PCDHGB1: variants seen among roughly 807,000 people sequenced by gnomAD.
PCDHGB1 encodes the protein protocadherin gamma subfamily B, 1, also known as protocadherin gamma-B1.
In PCDHGB1, 34 loss-of-function variants were observed where a neutral mutation model predicts 56.6. The ratio of observed to expected loss-of-function variants is 0.60; its 90% CI spans 0.46 to 0.80. The LOEUF is 0.80. Among genes scored for constraint, PCDHGB1 ranks in the 30% least tolerant of loss-of-function variants. The probability of loss-of-function intolerance (pLI) is 0.00; values close to 1 mark genes in which losing one functional copy is unlikely to be tolerated. For missense variants in PCDHGB1, 1,278 were observed against 1,204.6 expected (o/e 1.06, Z -0.90); for synonymous variants, 561 against 505.9 (o/e 1.11, Z -1.46).
intron 1 of PCDHGB1, chr5:141,383,529 G>C (rs367939205): frequency 2.4e-5 from 39 of 1,612,356 alleles, no homozygotes; most frequent in Non-Finnish European, 3.1e-5. Flanking sequence ...TTCACCACCT[G>C]GTCCTCACAG....
chr5:141,361,957 G>A lies in PCDHGB1; in HGVS notation c.2409+9288G>A, dbSNP rs976081209. On this transcript the variant is annotated intron_variant, in intron 1 of 3. Transcript: ENST00000523390. The stretch of plus-strand genomic sequence containing the variant: ...ACACAACGCTTGGCTGTCCTACCAC[G>A]TGCTGCAGGCCAGCGAGCCCGGGCT... 15 of 1,603,004 alleles carry A rather than the reference G, an allele frequency of 9.4e-6. No homozygotes were observed. In the Admixed American group the frequency reaches 2.0e-4, roughly 22 times the overall value.
chr5:141,436,393 A>G (rs560164691), intron 1 of PCDHGB1, among the ~76,000 whole-genome samples: 2 of 152,342 alleles, frequency 1.3e-5, no homozygotes, highest in South Asian at 4.1e-4. Context: ...GCTTTATTAA[A>G]TAGTTGTTGA....
Position 141,351,795 on chromosome 5 carries a change from C to G in PCDHGB1, c.1535C>G (p.Ala512Gly). ...SVSPQSGVVF[A>G]QRAFDHEQLR... ...AGCCCGCAGAGCGGGGTGGTGTTCG[C>G]GCAGCGCGCCTTCGACCACGAGCAG... The change falls in exon 1 of 4, where the codon GCG (alanine) becomes GGG (glycine). Residue 512 changes from alanine (A) to glycine (G), a missense_variant. Physicochemically the swap from Ala to Gly is moderately conservative, Grantham distance 60. Transcript: ENST00000523390. 6.2e-7 allele frequency: 1 copy of G among 1,613,360 alleles called. No individual in the cohort carries two copies. The highest frequency in any genetic ancestry group is 1.1e-5 in the South Asian group (1 of 91,084).
At chr5:141,503,241 A>G (rs1399557839) in intron 2 of PCDHGB1, among the ~76,000 whole-genome samples, 1 of 152,074 alleles carries the variant, frequency 6.6e-6, no homozygotes, top group Non-Finnish European at 1.5e-5. Context: ...GACAGTTTCT[A>G]TCATACTCAC....
At chr5:141,382,930 A>G (rs1292069137) in intron 1 of PCDHGB1, 9 of 1,583,428 alleles carry the variant, frequency 5.7e-6, no homozygotes, top group East Asian at 4.5e-5. Context: ...CGGGGACTAC[A>G]GAGGATTCTT....
intron 1 of PCDHGB1, chr5:141,389,052 T>C (rs769661783): frequency 9.5e-5 from 153 of 1,613,794 alleles, no homozygotes; most frequent in Non-Finnish European, 8.5e-5. Flanking sequence ...TGATGTTCCA[T>C]TTAAAATATT....
At chr5:141,452,854 A>G (rs137963870) in intron 1 of PCDHGB1, among the ~76,000 whole-genome samples, 109 of 152,264 alleles carry the variant, frequency 7.2e-4, no homozygotes, top group African/African-American at 2.5e-3. Flanking sequence ...CTCTGGGGAG[A>G]TGATTTTCTA....
chr5:141,375,611 G>A lies in PCDHGB1; in HGVS notation c.2409+22942G>A, dbSNP rs1049659012. 8 of 1,614,060 alleles carry A rather than the reference G, an allele frequency of 5.0e-6. No individual in the cohort carries two copies. The African/African-American group carries it at 8.0e-5, about 16-fold the overall frequency. On this transcript the variant is annotated intron_variant, in intron 1 of 3. Transcript: ENST00000523390. ...GTCCTCCTACGTGTCCATCAACTCC[G>A]ACACTGGGATTCTGTACGCCCTGCG...
chr5:141,398,855 A>C, intron 1 of PCDHGB1: 1 of 1,613,970 alleles, frequency 6.2e-7, no homozygotes, highest in Non-Finnish European at 8.5e-7. Context: ...CCGGTATTCA[A>C]CCGAGACGTG....
intron 1 of PCDHGB1, among the ~76,000 whole-genome samples, chr5:141,380,043 G>A (rs1366839689): frequency 6.6e-6 from 1 of 151,834 alleles, no homozygotes; most frequent in Non-Finnish European, 1.5e-5. Context: ...GGGATTACAG[G>A]TGCATGCCAC....
At position 141,403,891 on chromosome 5, in the gene PCDHGB1, AT is replaced by A. The variant is rs757338627; in HGVS notation, c.2409+51226del. The A allele has an allele frequency of 3.1e-6, 5 of 1,613,870 alleles. No individual in the cohort carries two copies. In the Admixed American group the frequency reaches 6.7e-5, roughly 22 times the overall value. On this transcript the variant is annotated intron_variant, in intron 1 of 3. Transcript: ENST00000523390. Reference sequence around the variant, plus strand: ...AAAGTCTAGATTATGAAGAATGTTCATTTTATGAAATGGAAATACAAGCTGA... The same window carrying A: ...AAAGTCTAGATTATGAAGAATGTTCATTTATGAAATGGAAATACAAGCTGA...
At chr5:141,364,454 G>A (rs1162340616) in intron 1 of PCDHGB1, 3 of 1,613,884 alleles carry the variant, frequency 1.9e-6, no homozygotes, top group East Asian at 4.5e-5. Flanking sequence ...GCTGGACAAA[G>A]GCTCCTTCGT....
At chr5:141,383,401 CAG>C (rs1246270441) in intron 1 of PCDHGB1, 1 of 1,614,016 alleles carries the variant, frequency 6.2e-7, no homozygotes. Context: ...GAACTCCCTC[CAG>C]AGTTACCAGC....
chr5:141,501,066 A>G (rs2099805322), intron 2 of PCDHGB1, among the ~76,000 whole-genome samples: 1 of 151,976 alleles, frequency 6.6e-6, no homozygotes, highest in South Asian at 2.1e-4. Flanking sequence ...ACGGGGTTTC[A>G]CCATGTTGAC....
In PCDHGB1 at chr5:141,486,334, C is replaced by T; in HGVS notation, c.2410-8473C>T. 1.2e-6 allele frequency: 2 copies of T among 1,614,098 alleles called. No individual in the cohort carries two copies. ...CAGGGTCAAACGGAGATGTGAGCCT[C>T]CGCATTCCTGACCACTTGCCATTTG... On this transcript the variant is annotated intron_variant, in intron 1 of 3. Coordinates refer to ENST00000523390, the MANE Select transcript of PCDHGB1 (RefSeq NM_018922.3). This position sits in a 1 kb window ranked among gnomAD's most constrained non-coding sequence, Gnocchi z 5.0.
chr5:141,481,182 G>T (rs2099533183), intron 1 of PCDHGB1, among the ~76,000 whole-genome samples: 1 of 152,180 alleles, frequency 6.6e-6, no homozygotes, highest in Non-Finnish European at 1.5e-5. Flanking sequence ...AGCTTTATTG[G>T]GCCAGGCCCA....
At chr5:141,393,512 G>A in intron 1 of PCDHGB1, 1 of 1,613,996 alleles carries the variant, frequency 6.2e-7, no homozygotes, top group Non-Finnish European at 8.5e-7. Flanking sequence ...TGACAGTGTT[G>A]GATACAAATG....
intron 1 of PCDHGB1, among the ~76,000 whole-genome samples, chr5:141,354,322 A>G (rs184699668): frequency 1.9e-4 from 29 of 152,340 alleles, no homozygotes; most frequent in African/African-American, 6.5e-4. Context: ...TTACTACTCT[A>G]TGAAAGGTAT....
At chr5:141,401,721 C>T (rs2094186897) in intron 1 of PCDHGB1, among the ~76,000 whole-genome samples, 1 of 152,142 alleles carries the variant, frequency 6.6e-6, no homozygotes, top group Non-Finnish European at 1.5e-5. Flanking sequence ...AAGACAAAAA[C>T]TACTAGTCTT....
Sources: allele counts gnomAD v4.1 joint callset (sites outside exome capture counted in the v4.1 genomes callset), GRCh38; gene constraint gnomAD v4.1.1; non-coding constraint Gnocchi (gnomAD v3.1); transcripts MANE v1.5; gene names NCBI Gene and HGNC (gene_info 2026-07-23, HGNC 2026-07-21).